PCNT: variants seen among roughly 807,000 people sequenced by gnomAD.
PCNT encodes pericentrin.
PCNT carries 319 observed loss-of-function variants against 380.4 expected under a neutral mutation model. The ratio of observed to expected loss-of-function variants is 0.84; its 90% CI spans 0.77 to 0.92. The LOEUF is 0.92. PCNT is among the 40% of genes least tolerant of loss of function. PCNT has a pLI of 0.00. For missense variants in PCNT, 4,400 were observed against 4,255.3 expected, an observed-to-expected ratio of 1.03 and a Z score of -0.95; for synonymous variants, 1,845 against 1,735.2, an observed-to-expected ratio of 1.06 and a Z score of -1.57.
intron 35 of PCNT, among the ~76,000 whole-genome samples, chr21:46,429,225 G>A (rs2087637850): frequency 6.6e-6 from 1 of 152,130 alleles, no homozygotes; most frequent in Non-Finnish European, 1.5e-5. Flanking sequence ...GGCCGGCGCT[G>A]TGCACATGCT....
Position 46,412,063 on chromosome 21 carries a change from C to T in PCNT, c.5990C>T (p.Pro1997Leu). ...DAALEPVVPD[P>L]QGDLQPVLVT... ...GCTTTGGAGCCGGTTGTCCCTGACCCACAGGTGGGCTCCCCCCGCGGGCCA... is the reference window on the plus strand; with the variant it reads ...GCTTTGGAGCCGGTTGTCCCTGACCTACAGGTGGGCTCCCCCCGCGGGCCA... The change falls in exon 28 of 47, where the codon CCA becomes CTA. Residue 1997 changes from proline (P) to leucine (L), a missense_variant. By Grantham distance (98) the Pro-to-Leu change is moderately conservative (BLOSUM62 -3). Transcript: ENST00000359568. The T allele has an allele frequency of 6.2e-7, 1 of 1,606,502 alleles. No homozygotes were observed. Among genetic ancestry groups the T allele is most frequent in the Non-Finnish European group, 8.5e-7 (1 of 1,179,784 alleles).
In PCNT at chr21:46,442,476, T is replaced by C. The variant is rs760867739; in HGVS notation, c.9624-21T>C. On this transcript the variant is annotated intron_variant, in intron 43 of 46. Transcript: ENST00000359568. ...CTGTCTTGCCGTACTTTTAAGTGTG[T>C]CTTGTCTCTTTTTTTTGTAGATTAC... 4.0e-6 allele frequency: 6 copies of C among 1,509,432 alleles called. No individual in the cohort carries two copies. In the East Asian group the frequency reaches 9.0e-5, roughly 23 times the overall value. The allele number at this position is 1,509,432 out of a possible 1,614,324, so 93.5% of individuals were successfully genotyped here.
At chr21:46,327,596 AGTTTT>A (rs1477826290) in intron 2 of PCNT, among the ~76,000 whole-genome samples, 1 of 152,112 alleles carries the variant, frequency 6.6e-6, no homozygotes, top group Non-Finnish European at 1.5e-5. Context: ...AATTTTGAGA[AGTTTT>A]GGATTAACTA....
intron 21 of PCNT, among the ~76,000 whole-genome samples, chr21:46,395,303 C>T (rs1252332478): frequency 6.6e-6 from 1 of 152,224 alleles, no homozygotes; most frequent in Non-Finnish European, 1.5e-5. Context: ...GGCTTAAAGA[C>T]TTCAGGATTC....
At chr21:46,442,718 G>T (rs1335425010) in intron 44 of PCNT, 145 bp downstream of exon 44, 3 of 698,528 alleles carry the variant, frequency 4.3e-6, no homozygotes, top group East Asian at 5.4e-5. Context: ...CAGAGCAGTC[G>T]TCCAGAGGGA....
At chr21:46,433,186 A>G (rs2087839260) in intron 38 of PCNT, among the ~76,000 whole-genome samples, 1 of 152,080 alleles carries the variant, frequency 6.6e-6, no homozygotes, top group Admixed American at 6.5e-5. Flanking sequence ...GTTCAAGACC[A>G]GCCTGGCCAA....
At chr21:46,391,902 CA>C (rs1267299132) in intron 21 of PCNT, among the ~76,000 whole-genome samples, 3 of 152,220 alleles carry the variant, frequency 2.0e-5, no homozygotes, top group African/African-American at 4.8e-5. Context: ...TCAGCTCGAG[CA>C]AAGGCTTTTC....
In PCNT at chr21:46,366,762, C is replaced by T; in HGVS notation, c.2788C>T (p.Leu930=). The T allele has an allele frequency of 6.2e-7, 1 of 1,613,620 alleles. No individual in the cohort carries two copies. The highest frequency in any genetic ancestry group is 8.5e-7 in the Non-Finnish European group (1 of 1,180,050). The stretch of plus-strand genomic sequence containing the variant: ...CAGACACCAGGCCGCGTTGGGCGAG[C>T]TGACAGCCTCCTTAGAGAGCAAGCA... ...EARHQAALGE[L]TASLESKQGA... Residue 930 remains leucine, a synonymous_variant, in exon 15 of 47, where the codon CTG becomes TTG. Transcript: ENST00000359568.
At chr21:46,395,004 G>A (rs1383417300) in intron 21 of PCNT, among the ~76,000 whole-genome samples, 2 of 152,236 alleles carry the variant, frequency 1.3e-5, no homozygotes, top group Non-Finnish European at 2.9e-5. Context: ...GATGTTCTGG[G>A]CCAAGCACAG....
chr21:46,402,621 G>A, intron 27 of PCNT, 138 bp downstream of exon 27: 3 of 854,018 alleles, frequency 3.5e-6, no homozygotes, highest in Non-Finnish European at 5.9e-6. Context: ...AGACAGTGCA[G>A]AGAGCGCCCG....
chr21:46,351,761 T>G (rs1004623248), intron 9 of PCNT, among the ~76,000 whole-genome samples: 1 of 152,248 alleles, frequency 6.6e-6, no homozygotes, highest in African/African-American at 2.4e-5. Context: ...AGCAGTGACG[T>G]GCACCTGTGT....
intron 43 of PCNT, 66 bp from the exon 44 acceptor site, chr21:46,442,431 T>G (rs766018220): frequency 1.9e-6 from 2 of 1,030,752 alleles, no homozygotes; most frequent in Non-Finnish European, 3.0e-6. Context: ...ACAGTGGGGT[T>G]TTCATTGCTC....
Position 46,403,325 on chromosome 21 carries a change from T to A in PCNT, c.5115+842T>A, listed in dbSNP as rs1376390868. Among the ~76,000 whole-genome samples the A allele has an allele frequency of 6.9e-4, 76 of 110,458 alleles. 3 individuals are homozygous for A. Among genetic ancestry groups the A allele is most frequent in the Non-Finnish European group, 1.3e-3 (67 of 50,750 alleles). The allele number at this position is 110,458 out of a possible 152,430, so 72.5% of individuals were successfully genotyped here. A position where few individuals can be genotyped will look rare whatever the true frequency, so the allele number is the denominator to read the frequency against. On this transcript the variant is annotated intron_variant, in intron 27 of 46. Coordinates refer to ENST00000359568, the MANE Select transcript of PCNT (RefSeq NM_006031.6). ...GTGAATGAACACAGCGTGGGAGAAT[T>A]GTGTGTGTGTGGTGCCCACGCGGCG...
At chr21:46,324,901 T>G in intron 1 of PCNT, 1 of 985,502 alleles carries the variant, frequency 1.0e-6, no homozygotes, top group African/African-American at 1.7e-5. Context: ...TTGCAGTCCT[T>G]ACTGTGTGAA....
At chr21:46,371,982 A>G (rs1049714290) in intron 15 of PCNT, among the ~76,000 whole-genome samples, 3 of 150,032 alleles carry the variant, frequency 2.0e-5, no homozygotes, top group Non-Finnish European at 4.5e-5. Flanking sequence ...ACATACACAC[A>G]TGCAGCACAT....
At chr21:46,418,763 C>G (rs955660675) in intron 31 of PCNT, among the ~76,000 whole-genome samples, 56 of 152,372 alleles carry the variant, frequency 3.7e-4, no homozygotes, top group African/African-American at 1.3e-3. Flanking sequence ...ACGTCCCTCT[C>G]TCTGCTGTGG....
At chr21:46,432,302 T>A in intron 38 of PCNT, 87 bp downstream of exon 38, 1 of 1,317,900 alleles carries the variant, frequency 7.6e-7, no homozygotes, top group Non-Finnish European at 1.1e-6. Context: ...ACGCGAGATT[T>A]ATGTCTGGCC....
chr21:46,440,590 A>G (rs752482412), intron 42 of PCNT, among the ~76,000 whole-genome samples: 16 of 152,184 alleles, frequency 1.1e-4, no homozygotes, highest in Non-Finnish European at 7.3e-5. Flanking sequence ...AAGGGGTGAA[A>G]TGCAAGAAGC....
chr21:46,427,599 A>G (rs1353895849), intron 33 of PCNT, 23 bp from the exon 34 acceptor site: 1 of 1,613,774 alleles, frequency 6.2e-7, no homozygotes, highest in Admixed American at 1.7e-5. Flanking sequence ...TGAGGACGCC[A>G]CGTTTCTTCC....
Sources: allele counts gnomAD v4.1 joint callset (sites outside exome capture counted in the v4.1 genomes callset), GRCh38; gene constraint gnomAD v4.1.1; transcripts MANE v1.5; gene names NCBI Gene and HGNC (gene_info 2026-07-23, HGNC 2026-07-21).